FBXL2: variants seen among roughly 807,000 people sequenced by gnomAD.
The protein encoded by FBXL2 is F-box/LRR-repeat protein 2.
In FBXL2, 38 loss-of-function variants were observed where a neutral mutation model predicts 69.2. The ratio of observed to expected loss-of-function variants is 0.55; its 90% confidence interval spans 0.42 to 0.72. The LOEUF is 0.72. Among genes scored for constraint, FBXL2 ranks in the 30% least tolerant of loss-of-function variants. FBXL2 has a pLI of 0.00. For synonymous variants in FBXL2, 192 were observed against 201.3 expected, an observed-to-expected ratio of 0.95 and a Z score of 0.39; for missense variants, 354 against 520.3, an observed-to-expected ratio of 0.68 and a Z score of 3.11.
In FBXL2 at chr3:33,378,282, C is replaced by G; in HGVS notation, c.894+135C>G. The G allele has an allele frequency of 3.4e-6, 3 of 870,328 alleles. No homozygotes were observed. The South Asian group carries it at 4.3e-5, about 13-fold the overall frequency. 53.9% of individuals were successfully genotyped at this position (870,328 alleles called of 1,614,324 possible). A position where few individuals can be genotyped will look rare whatever the true frequency, so the allele number is the denominator to read the frequency against. On this transcript the variant is annotated intron_variant, in intron 12 of 14. Coordinates refer to ENST00000484457, the MANE Select transcript of FBXL2 (RefSeq NM_012157.5). ...AACCTCAGTGGCAGGGCTTGGAAAC[C>G]TGTGAAGGCCATGGCAGTGGATGCG...
intron 1 of FBXL2, among the ~76,000 whole-genome samples, chr3:33,288,430 T>C (rs970117052): frequency 3.9e-5 from 6 of 152,098 alleles, no homozygotes; most frequent in African/African-American, 1.4e-4. Context: ...GAAAAGTACT[T>C]TGGAGAAAAA....
chr3:33,337,406 C>T (rs928629559), intron 2 of FBXL2, among the ~76,000 whole-genome samples: 1 of 152,128 alleles, frequency 6.6e-6, no homozygotes, highest in Non-Finnish European at 1.5e-5. Context: ...ACAATCATCA[C>T]TTGTAGCAGG....
chr3:33,420,992 C>A, the FBXL2 span, among the ~76,000 whole-genome samples: 14 of 152,278 alleles, frequency 9.2e-5, no homozygotes, highest in Non-Finnish European at 1.9e-4. Flanking sequence ...AGGAGAAATT[C>A]TTTTCATTTG....
At chr3:33,402,789 C>A in intron 12 of FBXL2, 1 of 1,534,248 alleles carries the variant, frequency 6.5e-7, no homozygotes, top group Non-Finnish European at 8.7e-7. Flanking sequence ...CACGATCACA[C>A]AAACTAGATA....
At chr3:33,326,631 A>G (rs1181606109) in intron 2 of FBXL2, among the ~76,000 whole-genome samples, 5 of 152,232 alleles carry the variant, frequency 3.3e-5, no homozygotes, top group East Asian at 1.9e-4. Flanking sequence ...GAACACATCA[A>G]TATCTTTGAT....
intron 2 of FBXL2, among the ~76,000 whole-genome samples, chr3:33,328,574 G>A (rs9816415): frequency 0.021 from 3,268 of 152,002 alleles, 110 homozygotes; most frequent in African/African-American, 0.074. Flanking sequence ...TTTTGACAAC[G>A]GCACCAAGAA....
intron 1 of FBXL2, among the ~76,000 whole-genome samples, chr3:33,292,572 T>A (rs1238609568): frequency 6.6e-6 from 1 of 152,186 alleles, no homozygotes; most frequent in East Asian, 1.9e-4. Context: ...TGAACACCAC[T>A]ATCAACCAAC....
At chr3:33,416,703 A>G in the FBXL2 span, 3 of 1,357,952 alleles carry the variant, frequency 2.2e-6, no homozygotes, top group Non-Finnish European at 3.1e-6. Flanking sequence ...TTTTTAAACA[A>G]AAACTCATTC....
At chr3:33,377,222 A>G (rs1288985669) in intron 10 of FBXL2, 51 bp from the exon 11 acceptor site, 5 of 1,527,482 alleles carry the variant, frequency 3.3e-6, no homozygotes, top group Middle Eastern at 1.7e-4. Flanking sequence ...ATGTGTTTCC[A>G]TTATTAACTA....
rs745461581 is a variant in FBXL2 at position 33,341,477 on chromosome 3, T to TA, written c.66-17487dup. On this transcript the variant is annotated intron_variant, in intron 2 of 14. Transcript: ENST00000484457. ...AATACAGAAAAGAAAGTGAAGAGTA[T>TA]AAAGTGGCAGGATGGTGCCTACACT... Among the ~76,000 whole-genome samples, 45 of 152,194 alleles carry TA rather than the reference T, an allele frequency of 3.0e-4. No homozygotes were observed. The Middle Eastern group carries it at 0.01, about 35-fold the overall frequency.
At chr3:33,322,049 C>T (rs1026166815) in intron 2 of FBXL2, among the ~76,000 whole-genome samples, 7 of 142,188 alleles carry the variant, frequency 4.9e-5, no homozygotes, top group Middle Eastern at 3.8e-3. Flanking sequence ...CAAATGTACA[C>T]GTGGTGACTA....
At chr3:33,326,886 T>C (rs2038743820) in intron 2 of FBXL2, among the ~76,000 whole-genome samples, 1 of 152,204 alleles carries the variant, frequency 6.6e-6, no homozygotes. Context: ...ATAGAGAATG[T>C]GTGTAAATAC....
At chr3:33,399,557 C>CTA (rs1439468985) in intron 12 of FBXL2, among the ~76,000 whole-genome samples, 1 of 152,244 alleles carries the variant, frequency 6.6e-6, no homozygotes, top group East Asian at 1.9e-4. Context: ...TCTCAAAAGG[C>CTA]TATATACTAT....
Position 33,311,814 on chromosome 3 carries a change from C to T in FBXL2, c.65+14089C>T, listed in dbSNP as rs557602939. On this transcript the variant is annotated intron_variant, in intron 2 of 14. Coordinates refer to ENST00000484457, the MANE Select transcript of FBXL2 (RefSeq NM_012157.5). ...TAATTTTTTTGTATTTTAGTAGAGA[C>T]GGGGTTTCACCGTGTTAGCCAGGAT... Among the ~76,000 whole-genome samples the T allele has an allele frequency of 6.6e-5, 10 of 152,028 alleles. No homozygotes were observed. In the South Asian group the frequency reaches 1.7e-3, roughly 25 times the overall value.
Position 33,387,072 on chromosome 3 carries a change from A to AATT in FBXL2, c.*1467_*1469dup, listed in dbSNP as rs1366813996. The AATT allele has an allele frequency of 6.6e-6, 1 of 152,204 alleles. No homozygotes were observed. The highest frequency in any genetic ancestry group is 2.4e-5 in the African/African-American group (1 of 41,444). The allele number at this position is 152,204 out of a possible 1,614,324, so 9.4% of individuals were successfully genotyped here. On this transcript the variant is annotated 3_prime_UTR_variant, in exon 15 of 15. Coordinates refer to ENST00000484457, the MANE Select transcript of FBXL2 (RefSeq NM_012157.5). ...ATCTCCCCATAAACGGACTTAGCAC[A>AATT]ATTATCATCAGAGTAAGCATTAAAG... is the stretch of plus-strand genomic sequence containing the variant.
At chr3:33,304,396 C>T (rs895304693) in intron 2 of FBXL2, among the ~76,000 whole-genome samples, 38 of 152,032 alleles carry the variant, frequency 2.5e-4, no homozygotes, top group Admixed American at 8.5e-4. Context: ...TTATTAACTT[C>T]GTAAAAAAAG....
downstream of FBXL2, among the ~76,000 whole-genome samples, chr3:33,406,465 A>G (rs2044430876): frequency 6.6e-6 from 1 of 152,196 alleles, no homozygotes; most frequent in Non-Finnish European, 1.5e-5. Flanking sequence ...AGCATAACAT[A>G]CATGTATAAA....
chr3:33,358,276 G>T (rs867077638), intron 2 of FBXL2, among the ~76,000 whole-genome samples: 5 of 152,208 alleles, frequency 3.3e-5, no homozygotes, highest in African/African-American at 1.2e-4. Flanking sequence ...GCACACGGCT[G>T]TTTGCTCACA....
intron 4 of FBXL2, among the ~76,000 whole-genome samples, chr3:33,360,287 C>G (rs1349116231): frequency 6.6e-6 from 1 of 152,076 alleles, no homozygotes; most frequent in Non-Finnish European, 1.5e-5. Flanking sequence ...CAATTTCCTG[C>G]TAGCTACTTA....
Sources: gnomAD v4.1 joint callset for allele counts (sites outside exome capture counted in the v4.1 genomes callset) on GRCh38, gnomAD v4.1.1 for gene constraint, MANE v1.5 for transcripts, NCBI Gene and HGNC (gene_info 2026-07-23, HGNC 2026-07-21) for gene names.